The following ATXN10 variants were observed in gnomAD, a reference collection of about 807,000 sequenced individuals.
ATXN10 encodes ataxin 10.
A neutral mutation model predicts 52.9 loss-of-function variants in ATXN10; 28 were observed. That is an observed-to-expected ratio of 0.53 (90% CI 0.39 to 0.73). The LOEUF (loss-of-function observed/expected upper bound fraction) is 0.73. Among genes scored for constraint, ATXN10 ranks in the 30% least tolerant of loss-of-function variants. ATXN10 has a pLI of 0.00. For synonymous variants in ATXN10, 226 were observed against 221.5 expected, an observed-to-expected ratio of 1.02 and a Z score of -0.18; for missense variants, 565 against 577.0, an observed-to-expected ratio of 0.98 and a Z score of 0.21.
rs79253723 is a variant in ATXN10 at position 45,683,608 on chromosome 22, C to G, written c.117-6104C>G. On this transcript the variant is annotated intron_variant, in intron 1 of 11. Transcript: ENST00000252934. The surrounding 1 kb of genome is among the most constrained non-coding windows in gnomAD (Gnocchi z 4.8). ...TTTTAAAATAAGGTTTAAATAATAT[C>G]TTATGTACAAAATCTTTCTCTAAGC... is the stretch of plus-strand genomic sequence containing the variant. Among the ~76,000 whole-genome samples the G allele has an allele frequency of 2.7e-3, 405 of 151,558 alleles. 14 individuals are homozygous for G. In the East Asian group the frequency reaches 0.065, roughly 24 times the overall value.
intron 9 of ATXN10, among the ~76,000 whole-genome samples, chr22:45,760,309 G>A (rs1193307670): frequency 6.6e-6 from 1 of 152,112 alleles, no homozygotes; most frequent in Non-Finnish European, 1.5e-5. Context: ...TGTATGTCCA[G>A]CACATGTGGG....
At chr22:45,699,627 G>A (rs1294763597) in intron 3 of ATXN10, among the ~76,000 whole-genome samples, 2 of 150,188 alleles carry the variant, frequency 1.3e-5, no homozygotes, top group African/African-American at 4.9e-5. Context: ...AAGTAGCTGG[G>A]ATTACAGACG....
At chr22:45,724,780 T>A (rs1286174555) in intron 6 of ATXN10, among the ~76,000 whole-genome samples, 1 of 152,214 alleles carries the variant, frequency 6.6e-6, no homozygotes, top group Non-Finnish European at 1.5e-5. Context: ...CTCCTAGAAT[T>A]TTTATGGTTT....
In ATXN10 at chr22:45,702,715, A is replaced by C; in HGVS notation, c.515A>C (p.Lys172Thr). ...TCTTGCTTAAATCATCCGGACAAAA[A>C]AATTGTTGCCTACTCTTCAATGATT... ...FLSCLNHPDK[K>T]IVAYSSMILF... The change falls in exon 5 of 12, where the codon AAA (lysine) becomes ACA (threonine). Residue 172 changes from lysine to threonine, a missense_variant. Physicochemically the swap from Lys to Thr is moderately conservative, Grantham distance 78 (BLOSUM62 -1). Transcript: ENST00000252934. 3 of 1,614,012 alleles carry C rather than the reference A, an allele frequency of 1.9e-6. No individual in the cohort carries two copies. The highest frequency in any genetic ancestry group is 2.5e-6 in the Non-Finnish European group (3 of 1,179,950).
intron 9 of ATXN10, among the ~76,000 whole-genome samples, chr22:45,788,435 C>T (rs765776076): frequency 6.6e-6 from 1 of 151,268 alleles, no homozygotes; most frequent in Non-Finnish European, 1.5e-5. Flanking sequence ...AGTGTCTGAT[C>T]TACCTTTACC....
chr22:45,788,369 G>A (rs1268458613), intron 9 of ATXN10, among the ~76,000 whole-genome samples: 1 of 151,470 alleles, frequency 6.6e-6, no homozygotes, highest in African/African-American at 2.4e-5. Context: ...ATTTCAACCA[G>A]ACTCTTAGAA....
Position 45,784,318 on chromosome 22 carries a change from A to G in ATXN10, c.1174-22641A>G, listed in dbSNP as rs550476388. On this transcript the variant is annotated intron_variant, in intron 9 of 11. Transcript: ENST00000252934. The surrounding 1 kb of genome is among the most constrained non-coding windows in gnomAD (Gnocchi z 4.2). Reference sequence around the variant, plus strand: ...TGGAACATTATTTTCTACCTTGCAAAACCATTAGGAATACCAAATATTTGC... The same window carrying G: ...TGGAACATTATTTTCTACCTTGCAAGACCATTAGGAATACCAAATATTTGC... 6.6e-6 allele frequency among the ~76,000 whole-genome samples: 1 copy of G among 152,250 alleles called. No individual in the cohort carries two copies. The highest frequency in any genetic ancestry group is 2.4e-5 in the African/African-American group (1 of 41,538).
Position 45,842,954 on chromosome 22 carries a change from G to A in ATXN10, c.1238-37G>A, listed in dbSNP as rs759044031. The A allele has an allele frequency of 1.9e-6, 3 of 1,601,766 alleles. No homozygotes were observed. In the South Asian group the frequency reaches 3.3e-5, roughly 18 times the overall value. On this transcript the variant is annotated intron_variant, in intron 10 of 11. Coordinates refer to ENST00000252934, the MANE Select transcript of ATXN10 (RefSeq NM_013236.4). The surrounding 1 kb of genome is among the most constrained non-coding windows in gnomAD (Gnocchi z 4.8). ...ATTCTTATGTGAAGTTATCAAACAGGAAAGTACGTTGTCACATTCCTTCAC... is the reference window on the plus strand; with the variant it reads ...ATTCTTATGTGAAGTTATCAAACAGAAAAGTACGTTGTCACATTCCTTCAC...
intron 10 of ATXN10, among the ~76,000 whole-genome samples, chr22:45,822,583 T>G (rs200876741): frequency 7.0e-6 from 1 of 142,770 alleles, no homozygotes; most frequent in African/African-American, 2.7e-5. Context: ...CAGGCTGGAG[T>G]GCAGTGGCAC....
intron 9 of ATXN10, 68 bp from the exon 10 acceptor site, chr22:45,806,891 A>G (rs1032567991): frequency 1.7e-6 from 2 of 1,207,832 alleles, no homozygotes; most frequent in Admixed American, 1.7e-5. Context: ...AAAAGGAACA[A>G]GTCATCTGTA....
rs1424931028 is a variant in ATXN10 at position 45,844,704 on chromosome 22, T to C, written c.*1033T>C. On this transcript the variant is annotated 3_prime_UTR_variant, in exon 12 of 12. Coordinates refer to ENST00000252934, the MANE Select transcript of ATXN10 (RefSeq NM_013236.4). ...CTCTAGGGGGAGGTCACGTTGTGAA[T>C]GCTTAAAACATATTATTTTCTTCAA... 6.6e-6 allele frequency: 1 copy of C among 152,244 alleles called. No homozygotes were observed. The highest frequency in any genetic ancestry group is 2.1e-4 in the South Asian group (1 of 4,830). 9.4% of individuals were successfully genotyped at this position (152,244 alleles called of 1,614,324 possible).
At chr22:45,741,422 A>T (rs546645100) in intron 9 of ATXN10, among the ~76,000 whole-genome samples, 20 of 152,314 alleles carry the variant, frequency 1.3e-4, no homozygotes, top group African/African-American at 4.8e-4. Flanking sequence ...TCACTATGTA[A>T]GAAGTATAGA....
chr22:45,672,328 CTCCCGACTCCCAGGCA>C, intron 1 of ATXN10, 149 bp downstream of exon 1: 1 of 864,650 alleles, frequency 1.2e-6, no homozygotes, highest in Non-Finnish European at 1.5e-6. Context: ...CCACCCAGGC[CTCCCGACTCCCAGGCA>C]CCGCCTCGTG....
Position 45,828,694 on chromosome 22 carries a change from G to C in ATXN10, c.1238-14297G>C, listed in dbSNP as rs778051081. Among the ~76,000 whole-genome samples, 7 of 152,112 alleles carry C rather than the reference G, an allele frequency of 4.6e-5. No individual in the cohort carries two copies. The highest frequency in any genetic ancestry group is 1.0e-4 in the Non-Finnish European group (7 of 68,002). On this transcript the variant is annotated intron_variant, in intron 10 of 11. Transcript: ENST00000252934. This position sits in a 1 kb window ranked among gnomAD's most constrained non-coding sequence, Gnocchi z 4.5. ...AACTCAAAACCTATTATAAAATATG[G>C]ATAGACCTAGTTATAGTAAGTACTA...
Position 45,843,922 on chromosome 22 carries a change from A to G in ATXN10, c.*251A>G, listed in dbSNP as rs1929430700. The G allele has an allele frequency of 7.2e-6, 4 of 551,826 alleles. No individual in the cohort carries two copies. The Admixed American group carries it at 1.3e-4, about 18-fold the overall frequency. 34.2% of individuals were successfully genotyped at this position (551,826 alleles called of 1,614,324 possible). A position where few individuals can be genotyped will look rare whatever the true frequency, so the allele number is the denominator to read the frequency against. ...TGGATAGAACGTGCATTTAAAGAAT[A>G]TATTGTACTTACTGTGACAGCAGAT... On this transcript the variant is annotated 3_prime_UTR_variant, in exon 12 of 12. Transcript: ENST00000252934. The surrounding 1 kb of genome is among the most constrained non-coding windows in gnomAD (Gnocchi z 4.5).
chr22:45,746,569 A>C (rs1461806921), intron 9 of ATXN10, among the ~76,000 whole-genome samples: 3 of 152,094 alleles, frequency 2.0e-5, no homozygotes, highest in Non-Finnish European at 4.4e-5. Context: ...TCTTTTTGCA[A>C]CTGTAAAATA....
At chr22:45,693,368 C>T (rs567252289) in intron 3 of ATXN10, among the ~76,000 whole-genome samples, 1 of 152,236 alleles carries the variant, frequency 6.6e-6, no homozygotes, top group East Asian at 1.9e-4. Flanking sequence ...GCTTACAGTT[C>T]TGGAGGCTGG....
At position 45,795,427 on chromosome 22, in the gene ATXN10, T is replaced by TCTATTCTATTCTATTCTATTCTATTCTA. The variant is rs1927699397; in HGVS notation, c.1174-11532_1174-11531insCTATTCTATTCTATTCTATTCTATTCTA. 6.6e-6 allele frequency among the ~76,000 whole-genome samples: 1 copy of TCTATTCTATTCTATTCTATTCTATTCTA among 151,230 alleles called. No individual in the cohort carries two copies. The highest frequency in any genetic ancestry group is 6.6e-5 in the Admixed American group (1 of 15,162). The stretch of plus-strand genomic sequence containing the variant: ...TCTATTCTATTCTATTCTATTCTTT[T>TCTATTCTATTCTATTCTATTCTATTCTA]TGAGATGAAGTCTCTCTATGTTGCC... On this transcript the variant is annotated intron_variant, in intron 9 of 11. Coordinates refer to ENST00000252934, the MANE Select transcript of ATXN10 (RefSeq NM_013236.4). This position sits in a 1 kb window ranked among gnomAD's most constrained non-coding sequence, Gnocchi z 4.6.
At chr22:45,815,133 T>C (rs927723825) in intron 10 of ATXN10, among the ~76,000 whole-genome samples, 2 of 152,202 alleles carry the variant, frequency 1.3e-5, no homozygotes, top group Admixed American at 1.3e-4. Flanking sequence ...GGTGTGTTCA[T>C]GTCATGGAAT....
Sources: gnomAD v4.1 joint callset for allele counts (sites outside exome capture counted in the v4.1 genomes callset) on GRCh38, gnomAD v4.1.1 for gene constraint, Gnocchi (gnomAD v3.1) non-coding constraint, MANE v1.5 for transcripts, NCBI Gene and HGNC (gene_info 2026-07-23, HGNC 2026-07-21) for gene names.